The following PAK1 variants were observed in gnomAD, a reference collection of about 807,000 sequenced individuals.
PAK1 encodes the protein serine/threonine-protein kinase PAK 1.
PAK1 carries 29 observed loss-of-function variants against 67.4 expected under a neutral mutation model. The ratio of observed to expected loss-of-function variants is 0.43; its 90% CI spans 0.32 to 0.59. The LOEUF is 0.59. Among genes scored for constraint, PAK1 ranks in the 20% least tolerant of loss-of-function variants. The probability of loss-of-function intolerance (pLI) is 0.07; values close to 1 mark genes in which losing one functional copy is unlikely to be tolerated. For synonymous variants in PAK1, 223 were observed against 237.4 expected, an observed-to-expected ratio of 0.94 and a Z score of 0.56; for missense variants, 337 against 670.7, an observed-to-expected ratio of 0.50 and a Z score of 5.50.
chr11:77,337,233 G>A, intron 12 of PAK1, 91 bp downstream of exon 12: 1 of 580,534 alleles, frequency 1.7e-6, no homozygotes. Context: ...CCTTTGGTGA[G>A]TGTCGTAGTT....
the PAK1 span, among the ~76,000 whole-genome samples, chr11:77,481,694 T>A: frequency 1.5e-5 from 2 of 137,464 alleles, no homozygotes; most frequent in Non-Finnish European, 3.0e-5. Context: ...AAAAAAAAAA[T>A]TACGTCTTTT....
intron 1 of PAK1, among the ~76,000 whole-genome samples, chr11:77,416,639 A>G (rs1419890872): frequency 6.6e-6 from 1 of 152,198 alleles, no homozygotes. Flanking sequence ...GTCATTTATC[A>G]TCATTATCAA....
At chr11:77,328,811 C>CA (rs1322642891) in intron 14 of PAK1, among the ~76,000 whole-genome samples, 3 of 151,974 alleles carry the variant, frequency 2.0e-5, no homozygotes, top group Admixed American at 2.0e-4. Context: ...AATAGAGACA[C>CA]AAAAAACCCT....
intron 5 of PAK1, among the ~76,000 whole-genome samples, 181 bp downstream of exon 5, chr11:77,374,147 G>C (rs1592047343): frequency 6.6e-6 from 1 of 152,250 alleles, no homozygotes; most frequent in Admixed American, 6.5e-5. Flanking sequence ...CATTAAAGCT[G>C]AAAGGGATAC....
chr11:77,371,826 C>G (rs1015292331), intron 5 of PAK1, among the ~76,000 whole-genome samples: 7 of 152,178 alleles, frequency 4.6e-5, no homozygotes, highest in African/African-American at 1.4e-4. Flanking sequence ...AAGTTTTTAC[C>G]AAGCAGGTGT....
chr11:77,384,968 T>C (rs535029668), intron 2 of PAK1, among the ~76,000 whole-genome samples: 2 of 152,130 alleles, frequency 1.3e-5, no homozygotes, highest in Admixed American at 1.3e-4. Context: ...AAAATATATA[T>C]AATCAATTCA....
At chr11:77,495,851 CAG>C in the PAK1 span, among the ~76,000 whole-genome samples, 113 of 152,246 alleles carry the variant, frequency 7.4e-4, no homozygotes, top group Non-Finnish European at 1.4e-3. Context: ...TTCATAGAGA[CAG>C]AAAGTACAAC....
intron 1 of PAK1, among the ~76,000 whole-genome samples, chr11:77,467,555 C>T (rs939852486): frequency 1.3e-5 from 2 of 152,196 alleles, no homozygotes; most frequent in South Asian, 4.1e-4. Context: ...TAAGGCAGTG[C>T]TTCTCAACTT....
At chr11:77,349,507 A>G (rs1944936333) in intron 8 of PAK1, 1 of 553,782 alleles carries the variant, frequency 1.8e-6, no homozygotes, top group Non-Finnish European at 3.3e-6. Context: ...CCAACCTGGT[A>G]CTTCTACCTA....
chr11:77,499,302 A>G, the PAK1 span, among the ~76,000 whole-genome samples: 47,458 of 151,984 alleles, frequency 0.31, 7,854 homozygotes, highest in South Asian at 0.45. Flanking sequence ...GGCTCAAGCA[A>G]TCCTCGCAGT....
intron 1 of PAK1, among the ~76,000 whole-genome samples, chr11:77,421,820 G>C (rs1465420868): frequency 6.6e-6 from 1 of 152,194 alleles, no homozygotes; most frequent in Non-Finnish European, 1.5e-5. Flanking sequence ...GGAAGAAATG[G>C]AGAATTCTAT....
At chr11:77,337,481 C>T in intron 11 of PAK1, 58 bp from the exon 12 acceptor site, 1 of 849,662 alleles carries the variant, frequency 1.2e-6, no homozygotes, top group African/African-American at 1.7e-5. Context: ...ATACAGAAGA[C>T]TTAATAGAAA....
chr11:77,369,963 C>G (rs1276121975), intron 5 of PAK1, among the ~76,000 whole-genome samples: 2 of 152,056 alleles, frequency 1.3e-5, no homozygotes, highest in Admixed American at 1.3e-4. Context: ...TCTCAAATGT[C>G]TGCAGATCCT....
chr11:77,334,174 AAAAAATAAAAT>A (rs200080430), intron 13 of PAK1, among the ~76,000 whole-genome samples: 2,201 of 151,790 alleles, frequency 0.015, 26 homozygotes, highest in Non-Finnish European at 0.025. Context: ...ATCTCAAAAA[AAAAAATAAAAT>A]AAAAATAAAA....
chr11:77,451,345 G>A (rs1956842353), intron 1 of PAK1, among the ~76,000 whole-genome samples: 1 of 152,128 alleles, frequency 6.6e-6, no homozygotes, highest in African/African-American at 2.4e-5. Flanking sequence ...TGAAGACACA[G>A]GGACATACAG....
chr11:77,491,359 G>T, the PAK1 span, among the ~76,000 whole-genome samples: 1 of 151,964 alleles, frequency 6.6e-6, no homozygotes, highest in East Asian at 1.9e-4. Flanking sequence ...AAAGCAGGGG[G>T]ATGAAGCTAA....
the PAK1 span, among the ~76,000 whole-genome samples, chr11:77,488,659 C>T: frequency 2.6e-5 from 4 of 151,644 alleles, no homozygotes; most frequent in African/African-American, 9.7e-5. Flanking sequence ...AATATACTGA[C>T]GAATGTGGGA....
At chr11:77,451,693 G>C (rs1411109772) in intron 1 of PAK1, among the ~76,000 whole-genome samples, 2 of 150,544 alleles carry the variant, frequency 1.3e-5, no homozygotes, top group Admixed American at 1.3e-4. Flanking sequence ...TCCGCCTCCT[G>C]GGTTCATGCC....
intron 1 of PAK1, among the ~76,000 whole-genome samples, chr11:77,430,602 C>A (rs1955814596): frequency 6.6e-6 from 1 of 152,216 alleles, no homozygotes; most frequent in Non-Finnish European, 1.5e-5. Flanking sequence ...AGGAAAACAT[C>A]TCTTTACCAA....
Sources: gnomAD v4.1 joint callset for allele counts (sites outside exome capture counted in the v4.1 genomes callset) on GRCh38, gnomAD v4.1.1 for gene constraint, MANE v1.5 for transcripts, NCBI Gene and HGNC (gene_info 2026-07-23, HGNC 2026-07-21) for gene names.